The following ACSL1 variants were observed in gnomAD, a reference collection of about 807,000 sequenced individuals.
ACSL1 encodes the protein long-chain-fatty-acid--CoA ligase 1.
ACSL1 carries 41 observed loss-of-function variants against 98.4 expected under a neutral mutation model. The ratio of observed to expected loss-of-function variants is 0.42; its 90% CI spans 0.32 to 0.54. The LOEUF (loss-of-function observed/expected upper bound fraction) is 0.54. Among genes scored for constraint, ACSL1 ranks in the 20% least tolerant of loss-of-function variants. ACSL1 has a pLI of 0.13. For missense variants in ACSL1, 734 were observed against 883.1 expected (o/e 0.83, Z 2.14); for synonymous variants, 316 against 322.7 (o/e 0.98, Z 0.22).
chr4:184,809,966 GT>G (rs938992207), intron 1 of ACSL1, among the ~76,000 whole-genome samples: 2 of 152,162 alleles, frequency 1.3e-5, no homozygotes, highest in African/African-American at 4.8e-5. Context: ...CACTGAAGTT[GT>G]TGAAATTGAA....
intron 2 of ACSL1, among the ~76,000 whole-genome samples, chr4:184,794,615 T>C (rs151266310): frequency 3.0e-4 from 46 of 152,318 alleles, no homozygotes; most frequent in African/African-American, 1.1e-3. Context: ...AAGCTCAGAC[T>C]TGGGGGGGCT....
At chr4:184,775,961 T>C (rs761780078) in intron 7 of ACSL1, among the ~76,000 whole-genome samples, 92 of 152,276 alleles carry the variant, frequency 6.0e-4, no homozygotes, top group Non-Finnish European at 1.1e-3. Context: ...ACGCTCATTC[T>C]CCTGGAATGG....
At position 184,779,619 on chromosome 4, in the gene ACSL1, G is replaced by A. The variant is rs1014300884; in HGVS notation, c.477+713C>T. Among the ~76,000 whole-genome samples the A allele has an allele frequency of 6.6e-5, 10 of 152,080 alleles. 1 individual carries two copies. The highest frequency in any genetic ancestry group is 5.2e-4 in the Admixed American group (8 of 15,262). ...ACTCTAGAAACCAACCAGAGGGAAA[G>A]CCTCATACCTTTCAGAAAGGAAAAA... On this transcript the variant is annotated intron_variant, in intron 5 of 20. Coordinates refer to ENST00000281455, the MANE Select transcript of ACSL1 (RefSeq NM_001995.5).
At chr4:184,812,555 C>G (rs934617512) in intron 1 of ACSL1, among the ~76,000 whole-genome samples, 9 of 152,086 alleles carry the variant, frequency 5.9e-5, no homozygotes, top group African/African-American at 1.7e-4. Context: ...GTAAAGGGGA[C>G]ATAAAAATAT....
chr4:184,785,024 C>T (rs1341957727), intron 3 of ACSL1, among the ~76,000 whole-genome samples: 5 of 152,168 alleles, frequency 3.3e-5, no homozygotes, highest in Admixed American at 6.5e-5. Flanking sequence ...AAAACAGAGA[C>T]GGGCGCACTG....
intron 3 of ACSL1, among the ~76,000 whole-genome samples, chr4:184,785,050 T>A (rs1766985108): frequency 6.6e-6 from 1 of 152,180 alleles, no homozygotes; most frequent in Admixed American, 6.5e-5. Context: ...AAGGGCCAAA[T>A]CAGGCCCACT....
At chr4:184,801,446 G>A (rs573300008) in intron 2 of ACSL1, among the ~76,000 whole-genome samples, 1 of 152,262 alleles carries the variant, frequency 6.6e-6, no homozygotes, top group Non-Finnish European at 1.5e-5. Flanking sequence ...TTCCACTCCG[G>A]CCACCAGCCC....
chr4:184,788,894 G>A (rs1381274411), intron 2 of ACSL1, among the ~76,000 whole-genome samples, 163 bp from the exon 3 acceptor site: 2 of 152,044 alleles, frequency 1.3e-5, no homozygotes, highest in African/African-American at 4.8e-5. Flanking sequence ...CAGGTATATG[G>A]TACATTGTTA....
chr4:184,782,460 T>C (rs1169526588), intron 4 of ACSL1, among the ~76,000 whole-genome samples: 2 of 152,192 alleles, frequency 1.3e-5, no homozygotes, highest in South Asian at 2.1e-4. Flanking sequence ...TCAATCTGCC[T>C]TGAAAACGCC....
At chr4:184,770,502 A>C (rs1403969013) in intron 10 of ACSL1, 26 bp from the exon 11 acceptor site, 4 of 1,519,968 alleles carry the variant, frequency 2.6e-6, no homozygotes, top group Non-Finnish European at 3.6e-6. Context: ...CCAGCAAGGC[A>C]GAAAAGCATT....
chr4:184,762,564 G>T (rs1410393061), intron 16 of ACSL1, 41 bp from the exon 17 acceptor site: 1 of 1,574,184 alleles, frequency 6.4e-7, no homozygotes, highest in African/African-American at 1.3e-5. Flanking sequence ...ATTTACTGGG[G>T]TTTTTCCAGA....
chr4:184,782,815 AC>A (rs1008403734), intron 4 of ACSL1, among the ~76,000 whole-genome samples: 15 of 152,014 alleles, frequency 9.9e-5, no homozygotes, highest in African/African-American at 3.6e-4. Context: ...CATCCTGTCG[AC>A]CCCAGAGGAC....
intron 1 of ACSL1, among the ~76,000 whole-genome samples, chr4:184,811,378 C>T (rs1772092387): frequency 6.6e-6 from 1 of 152,094 alleles, no homozygotes; most frequent in African/African-American, 2.4e-5. Context: ...TCCCAAAGTG[C>T]TGGGATTACA....
chr4:184,805,863 ACT>A (rs1226681203), intron 1 of ACSL1: 3 of 152,166 alleles, frequency 2.0e-5, no homozygotes, highest in Non-Finnish European at 4.4e-5. Flanking sequence ...GAAAACAGAC[ACT>A]GTTTTCTTTC....
chr4:184,776,067 C>T (rs118096613), intron 7 of ACSL1, among the ~76,000 whole-genome samples: 42 of 152,308 alleles, frequency 2.8e-4, no homozygotes, highest in East Asian at 2.3e-3. Context: ...AGACTCTCCA[C>T]GAGCCATCCA....
At chr4:184,783,515 G>A (rs1374033335) in intron 4 of ACSL1, among the ~76,000 whole-genome samples, 1 of 152,194 alleles carries the variant, frequency 6.6e-6, no homozygotes, top group East Asian at 1.9e-4. Context: ...ATAACCTTGG[G>A]TGAGTCACCT....
chr4:184,792,545 TCCTCGCACTTAG>T (rs1311486215), intron 2 of ACSL1, among the ~76,000 whole-genome samples: 4 of 152,112 alleles, frequency 2.6e-5, no homozygotes, highest in African/African-American at 9.7e-5. Context: ...GCTCAAGCAA[TCCTCGCACTTAG>T]CCTCCTGAGT....
chr4:184,819,482 A>T (rs1242437183), intron 1 of ACSL1, among the ~76,000 whole-genome samples: 1 of 152,106 alleles, frequency 6.6e-6, no homozygotes, highest in Non-Finnish European at 1.5e-5. Flanking sequence ...GCAAAAGCAC[A>T]GACTTGAGTC....
In ACSL1 at chr4:184,776,935, G is replaced by C; in HGVS notation, c.526C>G (p.Pro176Ala). 1 of 1,614,100 alleles carries C rather than the reference G, an allele frequency of 6.2e-7. No individual in the cohort carries two copies. The highest frequency in any genetic ancestry group is 8.5e-7 in the Non-Finnish European group (1 of 1,180,026). ...GCFAYSMVIV[P>A]LYDTLGNEAI... The stretch of plus-strand genomic sequence containing the variant: ...TCATTTCCAAGGGTATCATAAAGTG[G>C]AACGATCACCATCGAATAAGCAAAG... The change falls in exon 6 of 21, where the codon CCA (proline) becomes GCA (alanine). Residue 176 changes from proline (P) to alanine (A), a missense_variant. Pro to Ala is a conservative substitution (Grantham distance 27). Coordinates refer to ENST00000281455, the MANE Select transcript of ACSL1 (RefSeq NM_001995.5).
Sources: gnomAD v4.1 joint callset for allele counts (sites outside exome capture counted in the v4.1 genomes callset) on GRCh38, gnomAD v4.1.1 for gene constraint, MANE v1.5 for transcripts, NCBI Gene and HGNC (gene_info 2026-07-23, HGNC 2026-07-21) for gene names.